NRG4: variants seen among roughly 807,000 people sequenced by gnomAD.
NRG4 encodes the protein pro-neuregulin-4, membrane-bound isoform.
Under a neutral mutation model 15.0 loss-of-function variants are expected in NRG4, and 10 were observed. The ratio of observed to expected loss-of-function variants is 0.67; its 90% CI spans 0.41 to 1.13. The LOEUF (loss-of-function observed/expected upper bound fraction) is 1.13. NRG4 is among the 50% of genes most tolerant of loss of function. The pLI, the probability that NRG4 is intolerant of heterozygous loss-of-function variation, is 0.00. For synonymous variants in NRG4, 41 were observed against 50.1 expected (o/e 0.82, Z 0.77); for missense variants, 139 against 140.2 (o/e 0.99, Z 0.04).
At chr15:76,009,405 G>A in intron 2 of NRG4, 112 bp from the exon 3 acceptor site, 1 of 538,440 alleles carries the variant, frequency 1.9e-6, no homozygotes, top group Non-Finnish European at 3.3e-6. Context: ...AAATCAGAAT[G>A]AAGAATTTTT....
chr15:75,961,610 G>T (rs892948445), intron 4 of NRG4, among the ~76,000 whole-genome samples: 3 of 152,112 alleles, frequency 2.0e-5, no homozygotes, highest in African/African-American at 7.2e-5. Flanking sequence ...GTTTAGATAA[G>T]TCAAGGTAAA....
chr15:76,030,795 G>A (rs529325680), intron 5 of NRG4, among the ~76,000 whole-genome samples: 1 of 152,234 alleles, frequency 6.6e-6, no homozygotes, highest in African/African-American at 2.4e-5. Context: ...TGGCTTCACT[G>A]GTGAATTCCA....
intron 5 of NRG4, among the ~76,000 whole-genome samples, chr15:76,028,940 A>G (rs985708921): frequency 2.0e-5 from 3 of 151,510 alleles, no homozygotes; most frequent in Non-Finnish European, 4.4e-5. Flanking sequence ...GTGATAGCAC[A>G]TCATAACTGT....
At chr15:75,992,988 T>C (rs750932495) in intron 3 of NRG4, among the ~76,000 whole-genome samples, 13 of 152,098 alleles carry the variant, frequency 8.5e-5, no homozygotes, top group Non-Finnish European at 1.5e-4. Context: ...GAAGGATATT[T>C]TTGCAAGATA....
chr15:76,026,444 C>T (rs2035317227), intron 5 of NRG4, among the ~76,000 whole-genome samples: 1 of 152,096 alleles, frequency 6.6e-6, no homozygotes, highest in African/African-American at 2.4e-5. Flanking sequence ...CAAAGATATC[C>T]TTCAGGAATA....
chr15:76,036,316 A>G (rs2035596884), intron 4 of NRG4, among the ~76,000 whole-genome samples: 1 of 152,238 alleles, frequency 6.6e-6, no homozygotes, highest in Non-Finnish European at 1.5e-5. Flanking sequence ...TAAGCAATAA[A>G]TTTTTATTCC....
chr15:75,961,206 A>G (rs1231900149), intron 4 of NRG4, among the ~76,000 whole-genome samples: 1 of 152,188 alleles, frequency 6.6e-6, no homozygotes, highest in Non-Finnish European at 1.5e-5. Context: ...TTACTTTTAC[A>G]AAATTTCAAA....
intron 3 of NRG4, among the ~76,000 whole-genome samples, chr15:75,996,379 T>G (rs2034216234): frequency 6.6e-6 from 1 of 152,176 alleles, no homozygotes; most frequent in Non-Finnish European, 1.5e-5. Flanking sequence ...ATATACCAAC[T>G]TCATTGAGTA....
intron 3 of NRG4, among the ~76,000 whole-genome samples, chr15:75,989,618 T>G (rs916108791): frequency 6.6e-6 from 1 of 152,238 alleles, no homozygotes; most frequent in East Asian, 1.9e-4. Flanking sequence ...ACTTTTCATT[T>G]CAGATATTTC....
At chr15:76,034,042 C>T (rs1288915058) in intron 5 of NRG4, among the ~76,000 whole-genome samples, 1 of 152,204 alleles carries the variant, frequency 6.6e-6, no homozygotes, top group Non-Finnish European at 1.5e-5. Flanking sequence ...TTAAACAGAA[C>T]ATACTCATTC....
chr15:75,951,185 T>TTTTTTTTG, intron 5 of NRG4: 1 of 148,238 alleles, frequency 6.7e-6, no homozygotes, highest in African/African-American at 2.5e-5. Flanking sequence ...TTTTTTTTTT[T>TTTTTTTTG]GAGACGGAGT....
chr15:75,938,051 C>T (rs933344453), downstream of NRG4: 2 of 152,230 alleles, frequency 1.3e-5, no homozygotes, highest in Non-Finnish European at 2.9e-5. Context: ...CAAGCTTTCA[C>T]CTTGGTCTGG....
In NRG4 at chr15:76,002,290, T is replaced by C. The variant is rs1179873329; in HGVS notation, c.104+6910A>G. Reference sequence around the variant, plus strand: ...TAGACTGTAATAAATTAAGAATATATACTGTAATATCTAGGATAATTACTC... The same window carrying C: ...TAGACTGTAATAAATTAAGAATATACACTGTAATATCTAGGATAATTACTC... On this transcript the variant is annotated intron_variant, in intron 3 of 5. Coordinates refer to ENST00000394907, the MANE Select transcript of NRG4 (RefSeq NM_138573.4). Among the ~76,000 whole-genome samples, 6 of 152,092 alleles carry C rather than the reference T, an allele frequency of 3.9e-5. No individual in the cohort carries two copies. In the East Asian group the frequency reaches 1.2e-3, roughly 29 times the overall value.
At chr15:75,999,626 T>A (rs1380410612) in intron 3 of NRG4, among the ~76,000 whole-genome samples, 1 of 152,198 alleles carries the variant, frequency 6.6e-6, no homozygotes, top group Non-Finnish European at 1.5e-5. Context: ...CAGAAATAAA[T>A]TTCTACTGTC....
intron 3 of NRG4, among the ~76,000 whole-genome samples, chr15:75,972,103 A>G (rs1023705274): frequency 2.6e-5 from 4 of 152,108 alleles, no homozygotes; most frequent in African/African-American, 7.2e-5. Context: ...TTTGATTTGC[A>G]TTTCTCTAAT....
intron 3 of NRG4, among the ~76,000 whole-genome samples, chr15:75,992,848 T>G (rs1000105070): frequency 1.3e-5 from 2 of 152,188 alleles, no homozygotes; most frequent in Admixed American, 1.3e-4. Flanking sequence ...ATAACAGTAC[T>G]TTATTGACAA....
chr15:76,057,721 G>A (rs1480758324), intron 1 of NRG4, among the ~76,000 whole-genome samples: 2 of 151,810 alleles, frequency 1.3e-5, no homozygotes, highest in East Asian at 3.9e-4. Flanking sequence ...CCATTAACTC[G>A]GATTACTCAG....
intron 3 of NRG4, chr15:76,005,837 T>C (rs1418643086): frequency 7.5e-6 from 3 of 401,454 alleles, no homozygotes; most frequent in Non-Finnish European, 9.8e-6. Context: ...GAGGAGGAGT[T>C]GGCAGGCAAC....
chr15:75,963,208 G>A (rs1217248754), intron 3 of NRG4, among the ~76,000 whole-genome samples: 3 of 152,208 alleles, frequency 2.0e-5, no homozygotes, highest in Non-Finnish European at 2.9e-5. Flanking sequence ...AGGCAGTGAT[G>A]TGATTGGTGA....
Sources: allele counts gnomAD v4.1 joint callset (sites outside exome capture counted in the v4.1 genomes callset), GRCh38; gene constraint gnomAD v4.1.1; transcripts MANE v1.5; gene names NCBI Gene and HGNC (gene_info 2026-07-23, HGNC 2026-07-21).